The following AP3B2 variants were observed in gnomAD, a reference collection of about 807,000 sequenced individuals.
AP3B2 encodes adaptor related protein complex 3 subunit beta 2.
A neutral mutation model predicts 126.9 loss-of-function variants in AP3B2; 50 were observed. The observed-to-expected ratio is 0.39, with a 90% confidence interval of 0.31 to 0.50. The LOEUF is 0.50. Among genes scored for constraint, AP3B2 ranks in the 20% least tolerant of loss-of-function variants. The pLI is 0.79. For synonymous variants in AP3B2, 541 were observed against 565.0 expected, an observed-to-expected ratio of 0.96 and a Z score of 0.60; for missense variants, 1,177 against 1,426.4, an observed-to-expected ratio of 0.83 and a Z score of 2.82.
intron 21 of AP3B2, 137 bp from the exon 22 acceptor site, chr15:82,663,370 A>C (rs1409840727): frequency 4.1e-6 from 4 of 968,356 alleles, no homozygotes; most frequent in Non-Finnish European, 6.4e-6. Context: ...CTCGCAAAAT[A>C]CCCATTCCTA....
In AP3B2 at chr15:82,681,442, G is replaced by A. The variant is rs2048338428; in HGVS notation, c.499C>T (p.His167Tyr). 6.2e-7 allele frequency: 1 copy of A among 1,613,794 alleles called. No individual in the cohort carries two copies. The highest frequency in any genetic ancestry group is 1.7e-5 in the Admixed American group (1 of 59,992). The change falls in exon 5 of 27, where the codon CAC becomes TAC. Residue 167 changes from histidine to tyrosine, a missense_variant. His to Tyr is a moderately conservative substitution (Grantham distance 83). Around this residue, in one of 5 missense-constraint regions of AP3B2, gnomAD observed 130 missense variants for 262.0 expected, o/e 0.50. Transcript: ENST00000535359. The surrounding 1 kb of genome is among the most constrained non-coding windows in gnomAD (Gnocchi z 4.0). ...MSPYVRKTAA[H>Y]AIPKLYSLDS... The stretch of plus-strand genomic sequence containing the variant: ...TACCTGTAGAGTTTAGGGATGGCGT[G>A]GGCAGCTGTTTTCCGCACATAGGGT...
At position 82,680,869 on chromosome 15, in the gene AP3B2, C is replaced by A. The variant is rs1396962875; in HGVS notation, c.739G>T (p.Ala247Ser). The A allele has an allele frequency of 2.5e-6, 4 of 1,613,776 alleles. No homozygotes were observed. Among genetic ancestry groups the A allele is most frequent in the Non-Finnish European group, 3.4e-6 (4 of 1,179,792 alleles). ...VVIISMLTRY[A>S]RTQFLSPTQN... Reference sequence around the variant, plus strand: ...GTGGGGCTCAGGAACTGCGTGCGGGCGTAGCGGGTGAGCATGCTGATGATG... The same window carrying A: ...GTGGGGCTCAGGAACTGCGTGCGGGAGTAGCGGGTGAGCATGCTGATGATG... The change falls in exon 7 of 27, where the codon GCC (alanine) becomes TCC (serine). Residue 247 changes from alanine to serine, a missense_variant. By Grantham distance (99) the Ala-to-Ser change is moderately conservative. Transcript: ENST00000535359. This position sits in a 1 kb window ranked among gnomAD's most constrained non-coding sequence, Gnocchi z 6.1.
chr15:82,706,111 G>T (rs1050439045), intron 1 of AP3B2, among the ~76,000 whole-genome samples: 1 of 152,184 alleles, frequency 6.6e-6, no homozygotes, highest in Admixed American at 6.5e-5. Context: ...ATGTCTGCGT[G>T]CAGCGGCTGC....
At chr15:82,704,797 G>A (rs1326721204) in intron 1 of AP3B2, among the ~76,000 whole-genome samples, 4 of 152,266 alleles carry the variant, frequency 2.6e-5, no homozygotes, top group African/African-American at 7.2e-5. Context: ...TTACAGTGGA[G>A]GGTAAGTCCG....
chr15:82,688,436 G>A lies in AP3B2; in HGVS notation c.360+300C>T, dbSNP rs562281582. 27 of 702,086 alleles carry A rather than the reference G, an allele frequency of 3.8e-5. No homozygotes were observed. The South Asian group carries it at 3.8e-4, about 10-fold the overall frequency. 43.5% of individuals were successfully genotyped at this position (702,086 alleles called of 1,614,324 possible). ...AGGGTTGAGGGGTTCTCCATTGCTA[G>A]AGACTCTCCACTCTCCGGGGGCTCA... On this transcript the variant is annotated intron_variant, in intron 4 of 26. Coordinates refer to ENST00000535359, the MANE Select transcript of AP3B2 (RefSeq NM_001278512.2).
rs1226910164 is a variant in AP3B2, at chr15:82,700,397, C to CTTTTTTTT, written c.113+9189_113+9196dup. On this transcript the variant is annotated intron_variant, in intron 1 of 26. Transcript: ENST00000535359. The stretch of plus-strand genomic sequence containing the variant: ...CCACTGGCCTGCCAGTGGTGGGTGG[C>CTTTTTTTT]TTTTTTTTTTTTTTTTTTCAGATGG... Among the ~76,000 whole-genome samples the CTTTTTTTT allele has an allele frequency of 5.4e-4, 19 of 35,088 alleles. 8 individuals carry two copies. The East Asian group carries it at 9.4e-3, about 17-fold the overall frequency. The allele number at this position is 35,088 out of a possible 152,430, so 23.0% of individuals were successfully genotyped here.
At chr15:82,702,414 CCT>C (rs955651995) in intron 1 of AP3B2, among the ~76,000 whole-genome samples, 5 of 152,170 alleles carry the variant, frequency 3.3e-5, no homozygotes, top group Non-Finnish European at 5.9e-5. Context: ...CATCATATCC[CCT>C]GTGACCTGCA....
rs555603992 is a variant in AP3B2 at position 82,687,522 on chromosome 15, A to T, written c.360+1214T>A. 75 of 152,348 alleles carry T rather than the reference A, an allele frequency of 4.9e-4. 1 individual carries two copies. The highest frequency in any genetic ancestry group is 1.7e-3 in the African/African-American group (70 of 41,582). 9.4% of individuals were successfully genotyped at this position (152,348 alleles called of 1,614,324 possible). On this transcript the variant is annotated intron_variant, in intron 4 of 26. Coordinates refer to ENST00000535359, the MANE Select transcript of AP3B2 (RefSeq NM_001278512.2). Reference sequence around the variant, plus strand: ...TACTCAAACCAAAAGATTACTTGCCAATCTAAGACGGATTCCATGGTTTTG... The same window carrying T: ...TACTCAAACCAAAAGATTACTTGCCTATCTAAGACGGATTCCATGGTTTTG...
chr15:82,665,350 A>T lies in AP3B2; in HGVS notation c.1972-47T>A. 1.3e-6 allele frequency: 2 copies of T among 1,582,308 alleles called. No homozygotes were observed. Among genetic ancestry groups the T allele is most frequent in the Non-Finnish European group, 1.7e-6 (2 of 1,166,504 alleles). The stretch of plus-strand genomic sequence containing the variant: ...TTAGGAGGGCTGGGCCGGCACTGCC[A>T]GGGCTCCCTACTGTCTGCCCCCACC... On this transcript the variant is annotated intron_variant, in intron 16 of 26. Coordinates refer to ENST00000535359, the MANE Select transcript of AP3B2 (RefSeq NM_001278512.2). The surrounding 1 kb of genome is among the most constrained non-coding windows in gnomAD (Gnocchi z 4.4).
chr15:82,686,963 T>G (rs1364001512), intron 4 of AP3B2: 1 of 152,198 alleles, frequency 6.6e-6, no homozygotes. Flanking sequence ...CCTTGTGATT[T>G]GCCTGCTTCG....
intron 1 of AP3B2, among the ~76,000 whole-genome samples, chr15:82,694,956 C>T (rs1219744717): frequency 6.6e-6 from 1 of 152,120 alleles, no homozygotes; most frequent in African/African-American, 2.4e-5. Flanking sequence ...GGTCTTCCAC[C>T]CAGTTCCTCA....
In AP3B2 at chr15:82,688,496, C is replaced by A; in HGVS notation, c.360+240G>T. The A allele has an allele frequency of 4.3e-6, 3 of 702,522 alleles. No individual in the cohort carries two copies. In the East Asian group the frequency reaches 8.0e-5, roughly 19 times the overall value. 43.5% of individuals were successfully genotyped at this position (702,522 alleles called of 1,614,324 possible). ...TACTAGAAGCAGCCATTACCACAGG[C>A]TCCTGGGAAGAGAGACAGGGGCCCT... On this transcript the variant is annotated intron_variant, in intron 4 of 26. Coordinates refer to ENST00000535359, the MANE Select transcript of AP3B2 (RefSeq NM_001278512.2).
chr15:82,663,320 C>T, intron 21 of AP3B2, 87 bp from the exon 22 acceptor site: 2 of 1,143,320 alleles, frequency 1.7e-6, no homozygotes, highest in Non-Finnish European at 2.6e-6. Context: ...GCACGCATTT[C>T]AGCACCATGG....
intron 1 of AP3B2, among the ~76,000 whole-genome samples, chr15:82,698,720 G>T (rs1344663755): frequency 1.3e-5 from 2 of 152,084 alleles, no homozygotes; most frequent in Non-Finnish European, 2.9e-5. Flanking sequence ...GGCCAAGTTT[G>T]CCCAATCTCC....
chr15:82,670,677 G>A lies in AP3B2; in HGVS notation c.1666-3744C>T, dbSNP rs142650545. 3.3e-4 allele frequency among the ~76,000 whole-genome samples: 50 copies of A among 152,196 alleles called. No individual in the cohort carries two copies. In the East Asian group the frequency reaches 7.5e-3, roughly 23 times the overall value. Reference sequence around the variant, plus strand: ...TTCTTGAGTGATACCCCACAAGCACGGGCAACCAAAGCAAAAGTAGACAAA... The same window carrying A: ...TTCTTGAGTGATACCCCACAAGCACAGGCAACCAAAGCAAAAGTAGACAAA... On this transcript the variant is annotated intron_variant, in intron 14 of 26. Coordinates refer to ENST00000535359, the MANE Select transcript of AP3B2 (RefSeq NM_001278512.2).
rs776369384 is a variant in AP3B2, at chr15:82,659,623, G to C, written c.3243C>G (p.Asn1081Lys). Residue 1081 changes from asparagine to lysine, a missense_variant, in exon 27 of 27, where the codon AAC becomes AAG. By Grantham distance (94) the Asn-to-Lys change is moderately conservative. Around this residue, in one of 5 missense-constraint regions of AP3B2, gnomAD observed 587 missense variants for 571.3 expected, o/e 1.03. Coordinates refer to ENST00000535359, the MANE Select transcript of AP3B2 (RefSeq NM_001278512.2). ...TGGTGCCAATCACCATTTTCTCGCT[G>C]TTGACAGTCAGCTGGGCAGCTCCAG... ...RPAGAAQLTV[N>K]SEKMVIGTML... The C allele has an allele frequency of 1.2e-6, 2 of 1,613,986 alleles. No homozygotes were observed. The highest frequency in any genetic ancestry group is 8.5e-7 in the Non-Finnish European group (1 of 1,179,894).
At chr15:82,672,319 G>T (rs2048172412) in intron 14 of AP3B2, among the ~76,000 whole-genome samples, 1 of 152,140 alleles carries the variant, frequency 6.6e-6, no homozygotes, top group African/African-American at 2.4e-5. Flanking sequence ...AACATGGATA[G>T]AACTAGAGGT....
intron 1 of AP3B2, chr15:82,699,142 T>A (rs2048677090): frequency 6.5e-6 from 1 of 153,234 alleles, no homozygotes; most frequent in Non-Finnish European, 1.5e-5. Context: ...TGACCTAGCC[T>A]AAGGGACTCT....
chr15:82,668,532 C>T (rs1424584521), intron 14 of AP3B2, among the ~76,000 whole-genome samples: 1 of 152,202 alleles, frequency 6.6e-6, no homozygotes, highest in Non-Finnish European at 1.5e-5. Context: ...CTCCCTCCTT[C>T]AAGTCCTTGC....
Sources: allele counts gnomAD v4.1 joint callset (sites outside exome capture counted in the v4.1 genomes callset), GRCh38; gene constraint gnomAD v4.1.1; regional missense constraint gnomAD v4.1.1; non-coding constraint Gnocchi (gnomAD v3.1); transcripts MANE v1.5; gene names NCBI Gene and HGNC (gene_info 2026-07-23, HGNC 2026-07-21).